Variants in EXT1 observed in about 807,000 individuals in gnomAD.
The protein encoded by EXT1 is exostosin glycosyltransferase 1, also known as exostosin-1.
In EXT1, 20 loss-of-function variants were observed where a neutral mutation model predicts 82.5. The observed-to-expected ratio is 0.24, with a 90% CI of 0.17 to 0.35. EXT1 has a LOEUF of 0.35. EXT1 is among the 10% of genes least tolerant of loss of function. EXT1 has a pLI of 1.00. For synonymous variants in EXT1, 348 were observed against 350.8 expected, an observed-to-expected ratio of 0.99 and a Z score of 0.09; for missense variants, 757 against 936.5, an observed-to-expected ratio of 0.81 and a Z score of 2.50.
At chr8:117,822,118 A>G (rs953297932) in intron 5 of EXT1, among the ~76,000 whole-genome samples, 2 of 152,098 alleles carry the variant, frequency 1.3e-5, no homozygotes, top group African/African-American at 4.8e-5. Flanking sequence ...GAAAAAAAAA[A>G]TTGGGGAGAG....
At chr8:118,006,376 A>G (rs1563627354) in intron 1 of EXT1, among the ~76,000 whole-genome samples, 1 of 152,178 alleles carries the variant, frequency 6.6e-6, no homozygotes, top group African/African-American at 2.4e-5. Flanking sequence ...GTTTTTGAGT[A>G]CCACTAAAGG....
intron 1 of EXT1, among the ~76,000 whole-genome samples, chr8:117,880,607 T>C (rs1026204565): frequency 1.3e-5 from 2 of 150,072 alleles, no homozygotes; most frequent in Non-Finnish European, 2.9e-5. Flanking sequence ...TTTTTTTTTT[T>C]TGAGACAGAG....
chr8:117,895,679 G>A (rs1377376451), intron 1 of EXT1, among the ~76,000 whole-genome samples: 2 of 152,150 alleles, frequency 1.3e-5, no homozygotes, highest in Non-Finnish European at 2.9e-5. Flanking sequence ...GCATTTCAAA[G>A]TCTACCAGAA....
chr8:117,974,877 TA>T (rs1360772409), intron 1 of EXT1, among the ~76,000 whole-genome samples: 3 of 152,140 alleles, frequency 2.0e-5, no homozygotes, highest in Non-Finnish European at 4.4e-5. Flanking sequence ...CTAAGACAAC[TA>T]ATGAAAAGCA....
intron 1 of EXT1, among the ~76,000 whole-genome samples, chr8:117,900,029 G>C (rs924489995): frequency 2.0e-5 from 3 of 152,208 alleles, no homozygotes; most frequent in African/African-American, 7.2e-5. Flanking sequence ...AGACGGATTT[G>C]CCGAGGTGAC....
chr8:117,977,374 AAG>A (rs762136241), intron 1 of EXT1, among the ~76,000 whole-genome samples: 21 of 142,298 alleles, frequency 1.5e-4, no homozygotes, highest in Non-Finnish European at 2.9e-4. Context: ...GCAATAGAGC[AAG>A]ACTCTGTCTC....
chr8:117,948,481 C>T (rs994993276), intron 1 of EXT1, among the ~76,000 whole-genome samples: 4 of 152,150 alleles, frequency 2.6e-5, no homozygotes, highest in Non-Finnish European at 5.9e-5. Flanking sequence ...AATCTAAGAA[C>T]GTTCTGGACC....
At chr8:118,072,289 ACT>A (rs1817109858) in intron 1 of EXT1, among the ~76,000 whole-genome samples, 1 of 152,226 alleles carries the variant, frequency 6.6e-6, no homozygotes. Context: ...GACCAATGAT[ACT>A]GAGCATGCTT....
chr8:118,088,067 T>C (rs1817456271), intron 1 of EXT1, among the ~76,000 whole-genome samples: 1 of 152,066 alleles, frequency 6.6e-6, no homozygotes, highest in East Asian at 1.9e-4. Flanking sequence ...GTAAATGCAT[T>C]GAACAGCAAC....
At chr8:117,965,321 TC>T (rs1814787058) in intron 1 of EXT1, among the ~76,000 whole-genome samples, 1 of 152,098 alleles carries the variant, frequency 6.6e-6, no homozygotes, top group Non-Finnish European at 1.5e-5. Flanking sequence ...ATATTAAAGA[TC>T]AGATGGGCTG....
intron 1 of EXT1, among the ~76,000 whole-genome samples, chr8:117,843,263 C>T (rs1174713934): frequency 6.6e-6 from 1 of 152,178 alleles, no homozygotes; most frequent in African/African-American, 2.4e-5. Flanking sequence ...GTGTCAGGCA[C>T]TCTTCAGGGA....
intron 1 of EXT1, among the ~76,000 whole-genome samples, chr8:117,909,988 G>T (rs919582665): frequency 1.3e-5 from 2 of 152,262 alleles, no homozygotes; most frequent in East Asian, 3.9e-4. Context: ...AACTGGCCTT[G>T]AACTCCTGAC....
At chr8:117,896,945 C>T (rs754229778) in intron 1 of EXT1, among the ~76,000 whole-genome samples, 1 of 152,126 alleles carries the variant, frequency 6.6e-6, no homozygotes, top group Non-Finnish European at 1.5e-5. Context: ...TCCCAGCCCC[C>T]CAGCCTCTGC....
intron 1 of EXT1, among the ~76,000 whole-genome samples, chr8:117,946,378 C>T (rs1194155280): frequency 9.2e-6 from 1 of 108,522 alleles, no homozygotes; most frequent in East Asian, 2.4e-4. Flanking sequence ...TTTATGTCAA[C>T]GCTCTGAGGG....
chr8:118,111,428 T>A lies in EXT1; in HGVS notation c.-382A>T. ...CAATGGCAAGACGAAGTGATTGCCT[T>A]GCCTCTCGGATTCCTCTCGGCAGCG... is the stretch of plus-strand genomic sequence containing the variant. On this transcript the variant is annotated 5_prime_UTR_variant, in exon 1 of 11. Transcript: ENST00000378204. 1.9e-6 allele frequency: 1 copy of A among 533,672 alleles called. No homozygotes were observed. Among genetic ancestry groups the A allele is most frequent in the Non-Finnish European group, 3.3e-6 (1 of 304,654 alleles). 33.1% of individuals were successfully genotyped at this position (533,672 alleles called of 1,614,324 possible).
intron 10 of EXT1, among the ~76,000 whole-genome samples, chr8:117,800,752 T>C (rs1034815982): frequency 1.3e-5 from 2 of 152,166 alleles, no homozygotes; most frequent in Admixed American, 6.5e-5. Flanking sequence ...TCTCGACAAA[T>C]AGAAAAGATG....
At chr8:117,930,060 G>A (rs1332261568) in intron 1 of EXT1, among the ~76,000 whole-genome samples, 2 of 151,648 alleles carry the variant, frequency 1.3e-5, no homozygotes, top group East Asian at 3.9e-4. Context: ...AGCCAAGATC[G>A]CACATTGCAC....
rs372575361 is a variant in EXT1, at chr8:117,867,260, G to GAAAAAAAA, written c.963-30067_963-30060dup. On this transcript the variant is annotated intron_variant, in intron 1 of 10. Coordinates refer to ENST00000378204, the MANE Select transcript of EXT1 (RefSeq NM_000127.3). ...GGCGACAGAGTGAGACTCCACCTCAGAAAAAAAAAAAAAGCTTGAGGAAAT... is the reference window on the plus strand; with the variant it reads ...GGCGACAGAGTGAGACTCCACCTCAGAAAAAAAAAAAAAAAAAAAAAGCTTGAGGAAAT... 1.3e-4 allele frequency among the ~76,000 whole-genome samples: 13 copies of GAAAAAAAA among 98,902 alleles called. 1 individual carries two copies. Among genetic ancestry groups the GAAAAAAAA allele is most frequent in the South Asian group, 7.8e-4 (2 of 2,574 alleles). The allele number at this position is 98,902 out of a possible 152,430, so 64.9% of individuals were successfully genotyped here.
chr8:117,851,718 A>AT (rs1185576488), intron 1 of EXT1, among the ~76,000 whole-genome samples: 1 of 152,082 alleles, frequency 6.6e-6, no homozygotes, highest in African/African-American at 2.4e-5. Context: ...AATGACAAAG[A>AT]TTTTTCAGGC....
Sources: gnomAD v4.1 joint callset for allele counts (sites outside exome capture counted in the v4.1 genomes callset) on GRCh38, gnomAD v4.1.1 for gene constraint, MANE v1.5 for transcripts, NCBI Gene and HGNC (gene_info 2026-07-23, HGNC 2026-07-21) for gene names.